Variants in STN1 observed in about 807,000 individuals in gnomAD.
STN1 encodes STN1 subunit of CST complex.
A neutral mutation model predicts 45.5 loss-of-function variants in STN1; 29 were observed. The observed-to-expected ratio is 0.64, with a 90% CI of 0.47 to 0.87. The LOEUF (loss-of-function observed/expected upper bound fraction) is 0.87. STN1 is among the 40% of genes least tolerant of loss of function. The pLI is 0.00. For synonymous variants in STN1, 148 were observed against 159.0 expected, an observed-to-expected ratio of 0.93 and a Z score of 0.52; for missense variants, 376 against 441.4, an observed-to-expected ratio of 0.85 and a Z score of 1.33.
At position 103,909,398 on chromosome 10, in the gene STN1, G is replaced by A. The variant is rs1459978250; in HGVS notation, c.229+1129C>T. Among the ~76,000 whole-genome samples the A allele has an allele frequency of 3.2e-4, 20 of 63,370 alleles. 2 individuals are homozygous for A. The highest frequency in any genetic ancestry group is 8.7e-4 in the South Asian group (2 of 2,312). 41.6% of individuals were successfully genotyped at this position (63,370 alleles called of 152,430 possible). On this transcript the variant is annotated intron_variant, in intron 3 of 9. Transcript: ENST00000224950. ...TATATATGTATATATATGTATATAT[G>A]TATATATATGTATATATGTATATAT...
intron 8 of STN1, among the ~76,000 whole-genome samples, chr10:103,891,925 C>T (rs935778754): frequency 1.3e-5 from 2 of 152,220 alleles, no homozygotes; most frequent in Middle Eastern, 3.4e-3. Context: ...TATAAGTAGA[C>T]CCATGCAATT....
intron 6 of STN1, 92 bp from the exon 7 acceptor site, chr10:103,897,811 C>T (rs1159623944): frequency 3.9e-6 from 5 of 1,275,862 alleles, no homozygotes; most frequent in African/African-American, 3.0e-5. Flanking sequence ...CTAGAAAATG[C>T]AACACTATAT....
At chr10:103,893,017 T>C (rs1438034519) in intron 7 of STN1, among the ~76,000 whole-genome samples, 2 of 152,162 alleles carry the variant, frequency 1.3e-5, no homozygotes, top group East Asian at 3.8e-4. Context: ...GGCCACCTCC[T>C]CCCTAGCACA....
At chr10:103,905,040 T>C in intron 4 of STN1, 51 bp downstream of exon 4, 1 of 1,513,804 alleles carries the variant, frequency 6.6e-7, no homozygotes, top group South Asian at 1.1e-5. Context: ...CTACATTGAG[T>C]AAAATCCATT....
chr10:103,886,351 G>T (rs1003686826), intron 9 of STN1, among the ~76,000 whole-genome samples: 5 of 151,894 alleles, frequency 3.3e-5, no homozygotes, highest in Non-Finnish European at 2.9e-5. Context: ...GAAGTTTTTA[G>T]TCAATCTAGG....
intron 5 of STN1, among the ~76,000 whole-genome samples, chr10:103,899,539 T>G (rs1843193076): frequency 6.6e-6 from 1 of 151,954 alleles, no homozygotes; most frequent in African/African-American, 2.4e-5. Flanking sequence ...TACAAAAAAT[T>G]AGCTGGGTGT....
rs558554277 is a variant in STN1 at position 103,902,125 on chromosome 10, A to G, written c.296-1902T>C. Among the ~76,000 whole-genome samples the G allele has an allele frequency of 6.6e-5, 10 of 152,174 alleles. No individual in the cohort carries two copies. The South Asian group carries it at 2.1e-3, about 32-fold the overall frequency. ...ACAGAGGCATTAATTTTCCTTGAAC[A>G]CACCTACTATACCCAGGGAAACAGC... On this transcript the variant is annotated intron_variant, in intron 4 of 9. Coordinates refer to ENST00000224950, the MANE Select transcript of STN1 (RefSeq NM_024928.5).
intron 4 of STN1, 137 bp from the exon 5 acceptor site, chr10:103,900,360 G>A: frequency 2.4e-6 from 2 of 817,440 alleles, no homozygotes; most frequent in Non-Finnish European, 3.7e-6. Flanking sequence ...TCTACTGTTG[G>A]AAATCCACAT....
chr10:103,883,393 T>C (rs1488743487), intron 9 of STN1, among the ~76,000 whole-genome samples: 1 of 152,104 alleles, frequency 6.6e-6, no homozygotes, highest in Non-Finnish European at 1.5e-5. Context: ...TAGTAACCTC[T>C]TATGCTCTGC....
chr10:103,887,390 G>T (rs2134357489), intron 9 of STN1, among the ~76,000 whole-genome samples: 1 of 152,310 alleles, frequency 6.6e-6, no homozygotes, highest in Non-Finnish European at 1.5e-5. Context: ...AACAGGATAT[G>T]CAAGTAACTA....
chr10:103,898,884 C>A lies in STN1; in HGVS notation c.574G>T (p.Ala192Ser). ...TGATAAGTCACCACTTACCTTAGTG[C>A]CTCTTCTTTCTCTAGGGCTGAGCTG... ...FHSSALEKEE[A>S]LSNPGALDLP... The change falls in exon 6 of 10, where the codon GCA becomes TCA. Residue 192 changes from alanine to serine, a missense_variant. Coordinates refer to ENST00000224950, the MANE Select transcript of STN1 (RefSeq NM_024928.5). 1 of 1,613,778 alleles carries A rather than the reference C, an allele frequency of 6.2e-7. No individual in the cohort carries two copies. The highest frequency in any genetic ancestry group is 2.2e-5 in the East Asian group (1 of 44,882).
rs950993197 is a variant in STN1, at chr10:103,879,299, G to C, written c.*3385C>G. 6.6e-6 allele frequency: 1 copy of C among 152,376 alleles called. No individual in the cohort carries two copies. The highest frequency in any genetic ancestry group is 1.5e-5 in the Non-Finnish European group (1 of 68,228). 9.4% of individuals were successfully genotyped at this position (152,376 alleles called of 1,614,324 possible). On this transcript the variant is annotated 3_prime_UTR_variant, in exon 10 of 10. Transcript: ENST00000224950. ...ATCATGGAACATTCTGTCTATTGGG[G>C]GAAAATAATAAACAGGGCAAGTAAG...
chr10:103,902,839 C>A (rs1004032889), intron 4 of STN1, among the ~76,000 whole-genome samples: 7 of 152,176 alleles, frequency 4.6e-5, no homozygotes, highest in South Asian at 4.1e-4. Flanking sequence ...CGATGAGAAT[C>A]ATTTTTAGGT....
chr10:103,917,953 TGG>T (rs2134381054), intron 1 of STN1, 145 bp downstream of exon 1: 1 of 192,392 alleles, frequency 5.2e-6, no homozygotes, highest in African/African-American at 2.3e-5. Context: ...AGAAACCGCT[TGG>T]GGTCCCGGGA....
rs1227963677 is a variant in STN1 at position 103,917,538 on chromosome 10, C to T, written c.57G>A (p.Leu19=). 1.9e-6 allele frequency: 3 copies of T among 1,614,132 alleles called. No homozygotes were observed. The South Asian group carries it at 3.3e-5, about 18-fold the overall frequency. ...TTGCAAAGGCTAGAAACACAGGATC[C>T]AAACCCCACAAGAGGGAAGGGGTCT... ...EEETPSLLWG[L]DPVFLAFAKL... The change falls in exon 2 of 10, where the codon TTG becomes TTA. Residue 19 remains leucine, a synonymous_variant. Transcript: ENST00000224950.
rs1267693358 is a variant in STN1, at chr10:103,880,539, G to A, written c.*2145C>T. On this transcript the variant is annotated 3_prime_UTR_variant, in exon 10 of 10. Transcript: ENST00000224950. The stretch of plus-strand genomic sequence containing the variant: ...ACTATCAGGAGCAAGCCTGGGGTCA[G>A]GAGTAATTGGGAGCCTGGCTTTGGG... Among the ~76,000 whole-genome samples, 2 of 152,188 alleles carry A rather than the reference G, an allele frequency of 1.3e-5. No homozygotes were observed. The highest frequency in any genetic ancestry group is 2.9e-5 in the Non-Finnish European group (2 of 68,032).
rs183322899 is a variant in STN1, at chr10:103,913,685, T to G, written c.134-3063A>C. Reference sequence around the variant, plus strand: ...AAAAAGAATTAGAGAGCCATTTTCTTGTATCAAAGTGATCTTCTATAAGAA... The same window carrying G: ...AAAAAGAATTAGAGAGCCATTTTCTGGTATCAAAGTGATCTTCTATAAGAA... On this transcript the variant is annotated intron_variant, in intron 2 of 9. Coordinates refer to ENST00000224950, the MANE Select transcript of STN1 (RefSeq NM_024928.5). Among the ~76,000 whole-genome samples the G allele has an allele frequency of 1.6e-4, 25 of 152,280 alleles. No homozygotes were observed. In the East Asian group the frequency reaches 4.8e-3, roughly 29 times the overall value.
chr10:103,878,571 G>C lies in STN1; in HGVS notation c.*4113C>G, dbSNP rs989007376. On this transcript the variant is annotated 3_prime_UTR_variant, in exon 10 of 10. Transcript: ENST00000224950. The stretch of plus-strand genomic sequence containing the variant: ...CACACCGGTTGAATTCTTGTCCAGC[G>C]CCCAAGAAGAATGAGAATGTACTGA... 1 of 152,130 alleles carries C rather than the reference G, an allele frequency of 6.6e-6. No individual in the cohort carries two copies. Among genetic ancestry groups the C allele is most frequent in the Non-Finnish European group, 1.5e-5 (1 of 68,042 alleles). The allele number at this position is 152,130 out of a possible 1,614,324, so 9.4% of individuals were successfully genotyped here. A position where few individuals can be genotyped will look rare whatever the true frequency, so the allele number is the denominator to read the frequency against.
chr10:103,885,448 C>CT (rs1843097389), intron 9 of STN1, among the ~76,000 whole-genome samples: 1 of 152,216 alleles, frequency 6.6e-6, no homozygotes. Flanking sequence ...GTGATGCTGA[C>CT]TGTCTCAGAG....
Sources: allele counts gnomAD v4.1 joint callset (sites outside exome capture counted in the v4.1 genomes callset), GRCh38; gene constraint gnomAD v4.1.1; transcripts MANE v1.5; gene names NCBI Gene and HGNC (gene_info 2026-07-23, HGNC 2026-07-21).